PPFIA2: variants seen among roughly 807,000 people sequenced by gnomAD.
The protein encoded by PPFIA2 is liprin-alpha-2.
PPFIA2 carries 46 observed loss-of-function variants against 175.5 expected under a neutral mutation model. The ratio of observed to expected loss-of-function variants is 0.26; its 90% CI spans 0.21 to 0.34. The LOEUF (loss-of-function observed/expected upper bound fraction) is 0.34. PPFIA2 is among the 10% of genes least tolerant of loss of function. The probability of loss-of-function intolerance (pLI) is 1.00; values close to 1 mark genes in which losing one functional copy is unlikely to be tolerated. For missense variants in PPFIA2, 1,179 were observed against 1,506.1 expected (o/e 0.78, Z 3.60); for synonymous variants, 568 against 511.4 (o/e 1.11, Z -1.49).
intron 4 of PPFIA2, among the ~76,000 whole-genome samples, chr12:81,578,253 AG>A (rs1472941117): frequency 6.6e-6 from 1 of 151,702 alleles, no homozygotes; most frequent in African/African-American, 2.4e-5. Context: ...TATTCACACA[AG>A]GTGACCTCTA....
At chr12:81,432,602 A>G (rs2048293508) in intron 7 of PPFIA2, among the ~76,000 whole-genome samples, 1 of 151,246 alleles carries the variant, frequency 6.6e-6, no homozygotes, top group Admixed American at 6.6e-5. Flanking sequence ...AGTAGCTGGG[A>G]TTACAGGCAC....
intron 14 of PPFIA2, among the ~76,000 whole-genome samples, chr12:81,366,642 A>AT (rs1015375371): frequency 5.9e-5 from 9 of 151,770 alleles, no homozygotes; most frequent in Admixed American, 2.6e-4. Flanking sequence ...CCTCAGTTAG[A>AT]TTTTTTTAGC....
chr12:81,758,250 G>A (rs1354859894), intron 2 of PPFIA2, 150 bp downstream of exon 2: 2 of 394,416 alleles, frequency 5.1e-6, no homozygotes, highest in Non-Finnish European at 1.0e-5. Flanking sequence ...GATAGGAGAT[G>A]GAGAGGATGA....
rs2034475249 is a variant in PPFIA2, at chr12:81,258,704, C to A, written c.*990G>T. 1 of 152,078 alleles carries A rather than the reference C, an allele frequency of 6.6e-6. No individual in the cohort carries two copies. Among genetic ancestry groups the A allele is most frequent in the Non-Finnish European group, 1.5e-5 (1 of 68,024 alleles). 9.4% of individuals were successfully genotyped at this position (152,078 alleles called of 1,614,324 possible). On this transcript the variant is annotated 3_prime_UTR_variant, in exon 33 of 33. Transcript: ENST00000549396. ...ATTAGACATGAGTCTGGCTAATGCC[C>A]TGTTACATTGACAAAAGGGAAAGGT...
intron 4 of PPFIA2, among the ~76,000 whole-genome samples, chr12:81,628,376 C>CTTTTT (rs11304359): frequency 1.3e-4 from 14 of 111,702 alleles, no homozygotes; most frequent in Non-Finnish European, 2.1e-4. Flanking sequence ...TTTCTTTTAC[C>CTTTTT]TTTTTTTTTT....
Position 81,358,725 on chromosome 12 carries a change from A to AT in PPFIA2, c.1638-509dup, listed in dbSNP as rs529792537. On this transcript the variant is annotated intron_variant, in intron 15 of 32. Transcript: ENST00000549396. ...TCACATTGTCTATTTTTCACATTCTATTTTTCAATTTAGAGAATCAACAAA... is the reference window on the plus strand; with the variant it reads ...TCACATTGTCTATTTTTCACATTCTATTTTTTCAATTTAGAGAATCAACAAA... 2.1e-4 allele frequency among the ~76,000 whole-genome samples: 32 copies of AT among 152,148 alleles called. No individual in the cohort carries two copies. In the East Asian group the frequency reaches 5.8e-3, roughly 28 times the overall value.
At chr12:81,584,300 TAC>T (rs1202941656) in intron 4 of PPFIA2, among the ~76,000 whole-genome samples, 4 of 151,944 alleles carry the variant, frequency 2.6e-5, no homozygotes, top group African/African-American at 9.7e-5. Flanking sequence ...ATGCTCGAAA[TAC>T]AGTTAATGTA....
At chr12:81,426,086 C>T (rs2047089544) in intron 7 of PPFIA2, among the ~76,000 whole-genome samples, 1 of 152,092 alleles carries the variant, frequency 6.6e-6, no homozygotes, top group Non-Finnish European at 1.5e-5. Context: ...CCAGTTTGAC[C>T]AACTAGATGA....
chr12:81,686,358 A>T (rs939920161), intron 3 of PPFIA2, among the ~76,000 whole-genome samples: 1 of 152,044 alleles, frequency 6.6e-6, no homozygotes, highest in Non-Finnish European at 1.5e-5. Flanking sequence ...TTCAAACCTA[A>T]CTAGGAAATA....
intron 3 of PPFIA2, among the ~76,000 whole-genome samples, chr12:81,753,686 G>T (rs2084205750): frequency 6.6e-6 from 1 of 152,138 alleles, no homozygotes; most frequent in Non-Finnish European, 1.5e-5. Context: ...ATTAAAAGCT[G>T]ATCCACAAGT....
At chr12:81,351,861 G>C (rs553445182) in intron 17 of PPFIA2, among the ~76,000 whole-genome samples, 1 of 151,996 alleles carries the variant, frequency 6.6e-6, no homozygotes, top group South Asian at 2.1e-4. Flanking sequence ...AGCCAGATCT[G>C]AGTTATGGCA....
chr12:81,676,800 A>G lies in PPFIA2; in HGVS notation c.294T>C (p.Ala98=). 6.4e-7 allele frequency: 1 copy of G among 1,563,024 alleles called. No individual in the cohort carries two copies. The highest frequency in any genetic ancestry group is 1.9e-5 in the Admixed American group (1 of 52,346). The change falls in exon 4 of 33, where the codon GCT becomes GCC. Residue 98 remains alanine, a synonymous_variant. Coordinates refer to ENST00000549396, the MANE Select transcript of PPFIA2 (RefSeq NM_003625.5). ...GAAGAATCTAACTTACCGGTGGATC[A>G]GCCCCCTTAGAACCAGCCAGCCCTC... The part of the protein sequence containing the change: ...LTGGLAGSKG[A]DPPEFAALTK...
chr12:81,431,168 T>C (rs1370079560), intron 7 of PPFIA2: 1 of 152,240 alleles, frequency 6.6e-6, no homozygotes, highest in Non-Finnish European at 1.5e-5. Context: ...GTGTATTCAC[T>C]GCAAATTAGT....
intron 3 of PPFIA2, among the ~76,000 whole-genome samples, chr12:81,706,647 G>T (rs940780651): frequency 6.6e-6 from 1 of 152,114 alleles, no homozygotes; most frequent in African/African-American, 2.4e-5. Flanking sequence ...CCCTACCGGG[G>T]GGTGCCTCCC....
rs371480421 is a variant in PPFIA2, at chr12:81,582,046, A to C, written c.303+94745T>G. Among the ~76,000 whole-genome samples the C allele has an allele frequency of 1.9e-4, 29 of 151,976 alleles. No individual in the cohort carries two copies. In the South Asian group the frequency reaches 3.5e-3, roughly 18 times the overall value. On this transcript the variant is annotated intron_variant, in intron 4 of 32. Transcript: ENST00000549396. ...CAAATTCATATTTCCTGCTCCTTGCATTTTGTAGTCCGCCTCATCTAGAAA... is the reference window on the plus strand; with the variant it reads ...CAAATTCATATTTCCTGCTCCTTGCCTTTTGTAGTCCGCCTCATCTAGAAA...
At chr12:81,360,051 C>G (rs1240744889) in intron 15 of PPFIA2, among the ~76,000 whole-genome samples, 1 of 151,818 alleles carries the variant, frequency 6.6e-6, no homozygotes, top group Non-Finnish European at 1.5e-5. Context: ...TGAAAACAGT[C>G]TCAACACATG....
intron 4 of PPFIA2, among the ~76,000 whole-genome samples, chr12:81,463,010 C>T (rs758250390): frequency 9.2e-5 from 14 of 151,986 alleles, no homozygotes; most frequent in Non-Finnish European, 2.1e-4. Flanking sequence ...TCTAGTCTAG[C>T]ATTTCTCAAA....
At chr12:81,678,926 A>G (rs938173135) in intron 3 of PPFIA2, among the ~76,000 whole-genome samples, 9 of 151,924 alleles carry the variant, frequency 5.9e-5, no homozygotes, top group African/African-American at 2.2e-4. Flanking sequence ...TTCCAACATC[A>G]TGCCCAACAT....
chr12:81,426,257 G>A (rs189766276), intron 7 of PPFIA2, among the ~76,000 whole-genome samples: 32 of 152,294 alleles, frequency 2.1e-4, no homozygotes, highest in East Asian at 7.7e-4. Context: ...AGGGTAATAC[G>A]TCCTGAGGAT....
Sources: gnomAD v4.1 joint callset for allele counts (sites outside exome capture counted in the v4.1 genomes callset) on GRCh38, gnomAD v4.1.1 for gene constraint, MANE v1.5 for transcripts, NCBI Gene and HGNC (gene_info 2026-07-23, HGNC 2026-07-21) for gene names.